SIPA1L1: variants seen among roughly 807,000 people sequenced by gnomAD.
SIPA1L1 encodes signal induced proliferation associated 1 like 1.
A neutral mutation model predicts 162.7 loss-of-function variants in SIPA1L1; 26 were observed. That is an observed-to-expected ratio of 0.16 (90% confidence interval 0.12 to 0.22). The LOEUF is 0.22. Among genes scored for constraint, SIPA1L1 ranks in the 10% least tolerant of loss-of-function variants. The pLI, the probability that SIPA1L1 is intolerant of heterozygous loss-of-function variation, is 1.00. For synonymous variants in SIPA1L1, 829 were observed against 837.4 expected, an observed-to-expected ratio of 0.99 and a Z score of 0.17; for missense variants, 1,874 against 2,241.0, an observed-to-expected ratio of 0.84 and a Z score of 3.31.
intron 2 of SIPA1L1, among the ~76,000 whole-genome samples, chr14:71,424,632 G>A (rs996823886): frequency 1.3e-4 from 19 of 151,974 alleles, no homozygotes; most frequent in African/African-American, 4.6e-4. Flanking sequence ...ACTTGGTCAT[G>A]GTGTATAATC....
At chr14:71,529,442 G>A in intron 4 of SIPA1L1, 72 bp downstream of exon 4, 2 of 568,134 alleles carry the variant, frequency 3.5e-6, no homozygotes, top group East Asian at 2.9e-5. Flanking sequence ...TTAAATTTCT[G>A]ATTAGAGAAA....
chr14:71,577,892 T>A (rs1032903248), intron 4 of SIPA1L1, among the ~76,000 whole-genome samples: 1 of 151,854 alleles, frequency 6.6e-6, no homozygotes, highest in Non-Finnish European at 1.5e-5. Flanking sequence ...CCACCACGCC[T>A]GGCTAATTTT....
chr14:71,342,311 T>A (rs1317712082), intron 2 of SIPA1L1, among the ~76,000 whole-genome samples: 4 of 152,182 alleles, frequency 2.6e-5, no homozygotes, highest in Non-Finnish European at 5.9e-5. Flanking sequence ...TGAGCCACCG[T>A]ACCTGGCCTG....
At chr14:71,721,701 C>T (rs1244685292) in intron 17 of SIPA1L1, among the ~76,000 whole-genome samples, 8 of 152,214 alleles carry the variant, frequency 5.3e-5, no homozygotes. Context: ...GAAGGAGCCT[C>T]TCCCCAAACT....
intron 2 of SIPA1L1, among the ~76,000 whole-genome samples, chr14:71,476,544 TTTA>T (rs1280259779): frequency 6.6e-6 from 1 of 152,212 alleles, no homozygotes; most frequent in Non-Finnish European, 1.5e-5. Flanking sequence ...CAGTACCATA[TTTA>T]TGTAAGTTAG....
intron 2 of SIPA1L1, among the ~76,000 whole-genome samples, chr14:71,487,530 G>C (rs1368772336): frequency 6.6e-6 from 1 of 152,196 alleles, no homozygotes; most frequent in Admixed American, 6.5e-5. Context: ...CCTGGCATCT[G>C]TGTATGGTGT....
chr14:71,376,515 T>A (rs893071320), intron 2 of SIPA1L1, among the ~76,000 whole-genome samples: 7 of 151,802 alleles, frequency 4.6e-5, no homozygotes, highest in Admixed American at 3.9e-4. Context: ...TTTTTTTTTT[T>A]AAGTATTCCT....
chr14:71,447,811 C>T (rs189694034), intron 2 of SIPA1L1, among the ~76,000 whole-genome samples: 127 of 152,098 alleles, frequency 8.3e-4, no homozygotes, highest in Middle Eastern at 3.4e-3. Flanking sequence ...TCTGGCAATC[C>T]GCCTGCCTCT....
In SIPA1L1 at chr14:71,708,087, G is replaced by C. The variant is rs527465157; in HGVS notation, c.3766-1135G>C. 2.1e-4 allele frequency among the ~76,000 whole-genome samples: 25 copies of C among 118,864 alleles called. No individual in the cohort carries two copies. The South Asian group carries it at 5.8e-3, about 28-fold the overall frequency. 78.0% of individuals were successfully genotyped at this position (118,864 alleles called of 152,430 possible). On this transcript the variant is annotated intron_variant, in intron 16 of 23. Transcript: ENST00000381232. ...CAAATCATTTGCCCATTGTTTAATTGGGTTATTTGAAGCACAAAAGTTTTA... is the reference window on the plus strand; with the variant it reads ...CAAATCATTTGCCCATTGTTTAATTCGGTTATTTGAAGCACAAAAGTTTTA...
intron 5 of SIPA1L1, among the ~76,000 whole-genome samples, chr14:71,593,697 G>A (rs375192373): frequency 3.3e-5 from 5 of 152,062 alleles, no homozygotes; most frequent in African/African-American, 9.7e-5. Context: ...ATTTTGCACC[G>A]AGTGTATAAT....
chr14:71,619,223 A>C (rs1449108247), intron 6 of SIPA1L1, among the ~76,000 whole-genome samples: 1 of 152,192 alleles, frequency 6.6e-6, no homozygotes, highest in East Asian at 1.9e-4. Flanking sequence ...GAAAGCGCCA[A>C]GCCAACTTGA....
At chr14:71,338,639 G>C (rs2035333613) in intron 2 of SIPA1L1, among the ~76,000 whole-genome samples, 1 of 152,190 alleles carries the variant, frequency 6.6e-6, no homozygotes, top group Admixed American at 6.5e-5. Context: ...TGAGCAGTCT[G>C]TGAAGCCAGG....
intron 2 of SIPA1L1, among the ~76,000 whole-genome samples, chr14:71,403,089 A>G (rs2041792837): frequency 6.6e-6 from 1 of 152,150 alleles, no homozygotes; most frequent in Admixed American, 6.5e-5. Flanking sequence ...TATTAATGCC[A>G]CTTATATGTT....
chr14:71,399,944 C>G (rs1284284641), intron 2 of SIPA1L1, among the ~76,000 whole-genome samples: 1 of 151,990 alleles, frequency 6.6e-6, no homozygotes, highest in Admixed American at 6.6e-5. Flanking sequence ...TAATCTCTAA[C>G]TCCTGACCCC....
intron 14 of SIPA1L1, among the ~76,000 whole-genome samples, chr14:71,699,405 C>T: frequency 6.6e-6 from 1 of 152,182 alleles, no homozygotes. Context: ...TTTAGTTTCA[C>T]AGTTCAGATT....
chr14:71,567,614 T>A (rs908564905), intron 4 of SIPA1L1, among the ~76,000 whole-genome samples: 1 of 151,024 alleles, frequency 6.6e-6, no homozygotes, highest in African/African-American at 2.4e-5. Flanking sequence ...TTCATGAGTT[T>A]TCTGGGAATG....
chr14:71,506,353 T>A (rs542834447), intron 2 of SIPA1L1, among the ~76,000 whole-genome samples: 2 of 151,598 alleles, frequency 1.3e-5, no homozygotes, highest in South Asian at 2.1e-4. Context: ...ATATATATAT[T>A]TTTGGAGACA....
chr14:71,502,321 C>G (rs1263740924), intron 2 of SIPA1L1, among the ~76,000 whole-genome samples: 2 of 146,620 alleles, frequency 1.4e-5, no homozygotes, highest in Non-Finnish European at 3.0e-5. Flanking sequence ...GGAGTGTAAC[C>G]TCCGCCTCCA....
At chr14:71,652,417 T>G (rs1476645347) in intron 8 of SIPA1L1, among the ~76,000 whole-genome samples, 1 of 152,192 alleles carries the variant, frequency 6.6e-6, no homozygotes, top group Non-Finnish European at 1.5e-5. Flanking sequence ...ATTCTTTTTC[T>G]AAAAAAGTGC....
Sources: allele counts gnomAD v4.1 joint callset (sites outside exome capture counted in the v4.1 genomes callset), GRCh38; gene constraint gnomAD v4.1.1; transcripts MANE v1.5; gene names NCBI Gene and HGNC (gene_info 2026-07-23, HGNC 2026-07-21).